The following ANO1 variants were observed in gnomAD, a reference collection of about 807,000 sequenced individuals.
ANO1 encodes the protein anoctamin-1.
Under a neutral mutation model 124.0 loss-of-function variants are expected in ANO1, and 59 were observed. The observed-to-expected ratio is 0.48, with a 90% CI of 0.39 to 0.59. ANO1 has a LOEUF of 0.59. Ranked by LOEUF, ANO1 falls within the 20% of genes least tolerant of loss-of-function variation. ANO1 has a pLI of 0.00. For missense variants in ANO1, 1,059 were observed against 1,328.0 expected, an observed-to-expected ratio of 0.80 and a Z score of 3.15; for synonymous variants, 529 against 532.0, an observed-to-expected ratio of 0.99 and a Z score of 0.08.
chr11:69,980,781 C>T, the ANO1 span, among the ~76,000 whole-genome samples: 225 of 151,704 alleles, frequency 1.5e-3, 1 homozygote, highest in Middle Eastern at 0.01. Context: ...GGGCTGGGCA[C>T]GGTGGCTCAC....
intron 15 of ANO1, among the ~76,000 whole-genome samples, chr11:70,156,396 G>A (rs1368142375): frequency 6.6e-6 from 1 of 152,184 alleles, no homozygotes; most frequent in African/African-American, 2.4e-5. Flanking sequence ...CCGGATTAGT[G>A]ATGAGCTTCT....
chr11:70,128,411 C>T (rs1308068270), intron 10 of ANO1, among the ~76,000 whole-genome samples: 1 of 152,200 alleles, frequency 6.6e-6, no homozygotes, highest in African/African-American at 2.4e-5. Flanking sequence ...TCCCCATGAG[C>T]CCTGGAGGAA....
At chr11:70,146,490 G>A (rs994153506) in intron 11 of ANO1, among the ~76,000 whole-genome samples, 2 of 152,154 alleles carry the variant, frequency 1.3e-5, no homozygotes, top group African/African-American at 4.8e-5. Flanking sequence ...AAGAGGAGGA[G>A]CTGGGGAGGC....
intron 22 of ANO1, among the ~76,000 whole-genome samples, chr11:70,177,958 A>G (rs527665642): frequency 2.3e-3 from 344 of 152,356 alleles, no homozygotes; most frequent in African/African-American, 7.9e-3. Context: ...TTTAAGCAGT[A>G]GACAAGCACA....
At position 70,187,642 on chromosome 11, in the gene ANO1, G is replaced by A. The variant is rs2049185333; in HGVS notation, c.2695-96G>A. On this transcript the variant is annotated intron_variant, in intron 25 of 25. Coordinates refer to ENST00000355303, the MANE Select transcript of ANO1 (RefSeq NM_018043.7). ...GAGGTCAATGGGCCAGGAGGTGGTG[G>A]GGTGGCACTCCACCAGATGGGGGCC... The A allele has an allele frequency of 2.8e-6, 4 of 1,438,850 alleles. No homozygotes were observed. In the East Asian group the frequency reaches 9.9e-5, roughly 36 times the overall value. 89.1% of individuals were successfully genotyped at this position (1,438,850 alleles called of 1,614,324 possible). A position where few individuals can be genotyped will look rare whatever the true frequency, so the allele number is the denominator to read the frequency against.
chr11:69,989,160 T>A (rs72933804), intron 1 of ANO1, among the ~76,000 whole-genome samples: 21,726 of 152,068 alleles, frequency 0.14, 1,646 homozygotes, highest in African/African-American at 0.17. Context: ...CCCATTTATG[T>A]TGAGGAAACT....
At chr11:70,026,168 ATGG>A (rs797027269) in intron 1 of ANO1, among the ~76,000 whole-genome samples, 42 of 136,706 alleles carry the variant, frequency 3.1e-4, no homozygotes, top group East Asian at 1.4e-3. Context: ...GATGGTGATG[ATGG>A]TGGTGGTGGT....
Position 70,116,450 on chromosome 11 carries a change from T to A in ANO1, c.856-8T>A. Reference sequence around the variant, plus strand: ...GATAAGAACGTCCCTTTCCTCTTTTTTTAACAGGGAGACTACAACGGTGAA... The same window carrying A: ...GATAAGAACGTCCCTTTCCTCTTTTATTAACAGGGAGACTACAACGGTGAA... On this transcript the variant is annotated splice_polypyrimidine_tract_variant and splice_region_variant and intron_variant, in intron 7 of 25. Coordinates refer to ENST00000355303, the MANE Select transcript of ANO1 (RefSeq NM_018043.7). 6.3e-7 allele frequency: 1 copy of A among 1,595,584 alleles called. No homozygotes were observed. Among genetic ancestry groups the A allele is most frequent in the Non-Finnish European group, 8.5e-7 (1 of 1,170,820 alleles).
At chr11:69,990,209 A>G (rs1554997282) in intron 1 of ANO1, among the ~76,000 whole-genome samples, 1 of 152,054 alleles carries the variant, frequency 6.6e-6, no homozygotes, top group African/African-American at 2.4e-5. Flanking sequence ...TGCCTCTATA[A>G]ATTTGTCTAT....
At chr11:69,974,990 C>G in the ANO1 span, among the ~76,000 whole-genome samples, 1 of 152,226 alleles carries the variant, frequency 6.6e-6, no homozygotes, top group Admixed American at 6.5e-5. Context: ...GACTAAACTG[C>G]CCTGAGAGGC....
rs2048276238 is a variant in ANO1 at position 70,166,912 on chromosome 11, C to T, written c.2052-330C>T. ...TATAATCCTAGTACTTTGGGAGGCA[C>T]AGATGGGCGGATTGCCTGAGCTCAG... On this transcript the variant is annotated intron_variant, in intron 20 of 25. Coordinates refer to ENST00000355303, the MANE Select transcript of ANO1 (RefSeq NM_018043.7). Among the ~76,000 whole-genome samples, 4 of 152,158 alleles carry T rather than the reference C, an allele frequency of 2.6e-5. No individual in the cohort carries two copies. The South Asian group carries it at 8.3e-4, about 32-fold the overall frequency.
chr11:70,047,973 T>C (rs145434977), intron 1 of ANO1, among the ~76,000 whole-genome samples: 333 of 152,350 alleles, frequency 2.2e-3, no homozygotes, highest in African/African-American at 7.5e-3. Context: ...CGCTTCCAAA[T>C]GCTCCAGCTT....
chr11:70,109,187 C>T (rs1409873114), intron 6 of ANO1, among the ~76,000 whole-genome samples: 1 of 152,198 alleles, frequency 6.6e-6, no homozygotes, highest in African/African-American at 2.4e-5. Flanking sequence ...CCGGGGGACA[C>T]AGCAGGTCTG....
chr11:70,149,507 T>C, intron 11 of ANO1: 2 of 538,860 alleles, frequency 3.7e-6, no homozygotes, highest in Non-Finnish European at 6.6e-6. Flanking sequence ...AAAGATTAGC[T>C]GGGTGTGGTG....
At chr11:70,054,937 C>T (rs561287492) in intron 1 of ANO1, among the ~76,000 whole-genome samples, 18 of 152,274 alleles carry the variant, frequency 1.2e-4, no homozygotes, top group Admixed American at 2.0e-4. Flanking sequence ...TACCATAATA[C>T]GATATGGGAT....
intron 1 of ANO1, among the ~76,000 whole-genome samples, chr11:70,046,861 G>A (rs1857267207): frequency 6.6e-6 from 1 of 152,030 alleles, no homozygotes; most frequent in African/African-American, 2.4e-5. Context: ...ATCACCTGAG[G>A]TCAGGAGTTC....
At chr11:70,168,950 G>C (rs577314046) in intron 21 of ANO1, among the ~76,000 whole-genome samples, 9 of 151,898 alleles carry the variant, frequency 5.9e-5, no homozygotes, top group African/African-American at 1.9e-4. Context: ...GCTCCTCTCT[G>C]TTTTCTCCTG....
Position 70,003,603 on chromosome 11 carries a change from A to G in ANO1, c.58+17437A>G, listed in dbSNP as rs200795524. ...TGTTGGTGGATGGATGGGTGGATGG[A>G]TGGATGGATGGATGGATGGATGGAT... On this transcript the variant is annotated intron_variant, in intron 1 of 27. Transcript: ENST00000531349. 4.9e-3 allele frequency among the ~76,000 whole-genome samples: 366 copies of G among 74,522 alleles called. 9 individuals are homozygous for G. The highest frequency in any genetic ancestry group is 7.5e-3 in the East Asian group (23 of 3,058). 48.9% of individuals were successfully genotyped at this position (74,522 alleles called of 152,430 possible). A position where few individuals can be genotyped will look rare whatever the true frequency, so the allele number is the denominator to read the frequency against.
intron 1 of ANO1, among the ~76,000 whole-genome samples, chr11:70,028,144 A>G (rs1365445925): frequency 1.3e-5 from 2 of 152,220 alleles, no homozygotes; most frequent in African/African-American, 4.8e-5. Context: ...ACATTTTAAA[A>G]TCTGTCAGGT....
Sources: allele counts gnomAD v4.1 joint callset (sites outside exome capture counted in the v4.1 genomes callset), GRCh38; gene constraint gnomAD v4.1.1; transcripts MANE v1.5; gene names NCBI Gene and HGNC (gene_info 2026-07-23, HGNC 2026-07-21).